Variants in ANKH observed in about 807,000 individuals in gnomAD.
The protein encoded by ANKH is ANKH inorganic pyrophosphate transport regulator.
A neutral mutation model predicts 49.0 loss-of-function variants in ANKH; 15 were observed. The observed-to-expected ratio is 0.31, with a 90% CI of 0.20 to 0.47. ANKH has a LOEUF of 0.47. Ranked by LOEUF, ANKH falls within the 20% of genes least tolerant of loss-of-function variation. The pLI, the probability that ANKH is intolerant of heterozygous loss-of-function variation, is 1.00. For synonymous variants in ANKH, 273 were observed against 260.0 expected, an observed-to-expected ratio of 1.05 and a Z score of -0.48; for missense variants, 429 against 652.0, an observed-to-expected ratio of 0.66 and a Z score of 3.72.
chr5:14,742,004 CTTTTG>C, intron 7 of ANKH, 82 bp from the exon 8 acceptor site: 2 of 1,080,206 alleles, frequency 1.9e-6, no homozygotes. Context: ...GAGCATCTTG[CTTTTG>C]TTTTATCTGA....
chr5:14,740,027 G>C (rs984469939), intron 8 of ANKH, among the ~76,000 whole-genome samples: 1 of 152,034 alleles, frequency 6.6e-6, no homozygotes, highest in African/African-American at 2.4e-5. Flanking sequence ...ATAAATTATT[G>C]CCTGTGAACT....
chr5:14,781,550 A>G (rs1434934029), intron 1 of ANKH, among the ~76,000 whole-genome samples: 3 of 152,166 alleles, frequency 2.0e-5, no homozygotes, highest in African/African-American at 4.8e-5. Flanking sequence ...AGAAAACAAA[A>G]AGCATTTTCC....
intron 1 of ANKH, among the ~76,000 whole-genome samples, chr5:14,804,321 G>A (rs951611967): frequency 2.6e-5 from 4 of 152,178 alleles, no homozygotes; most frequent in Non-Finnish European, 5.9e-5. Context: ...CTGCGCCTCC[G>A]TCTTCGGAGC....
chr5:14,821,246 GTAA>G (rs1741190305), intron 1 of ANKH, among the ~76,000 whole-genome samples: 1 of 152,100 alleles, frequency 6.6e-6, no homozygotes, highest in East Asian at 1.9e-4. Context: ...TCCCTTGAGG[GTAA>G]TAATCTAGCA....
Position 14,704,936 on chromosome 5 carries a change from ATC to A in ANKH, c.*6259_*6260del, listed in dbSNP as rs1736893227. 6.6e-6 allele frequency: 1 copy of A among 152,230 alleles called. No homozygotes were observed. The highest frequency in any genetic ancestry group is 1.5e-5 in the Non-Finnish European group (1 of 68,034). 9.4% of individuals were successfully genotyped at this position (152,230 alleles called of 1,614,324 possible). On this transcript the variant is annotated 3_prime_UTR_variant, in exon 12 of 12. Coordinates refer to ENST00000284268, the MANE Select transcript of ANKH (RefSeq NM_054027.6). ...TGCTCTTACCAATGCAAAAACTTCC[ATC>A]TGTTAGATACATAAAGAGCACTTCC...
chr5:14,750,794 G>A (rs745682360), intron 5 of ANKH, among the ~76,000 whole-genome samples: 17 of 152,178 alleles, frequency 1.1e-4, no homozygotes, highest in South Asian at 4.1e-4. Flanking sequence ...CATGAATGTC[G>A]TATCTATTCC....
chr5:14,857,991 T>A (rs1251969648), intron 1 of ANKH, among the ~76,000 whole-genome samples: 3 of 152,236 alleles, frequency 2.0e-5, no homozygotes, highest in Non-Finnish European at 4.4e-5. Context: ...TACAAAGATT[T>A]CTGTACAATA....
At chr5:14,830,888 A>G (rs1741485952) in intron 1 of ANKH, among the ~76,000 whole-genome samples, 1 of 152,164 alleles carries the variant, frequency 6.6e-6, no homozygotes, top group East Asian at 1.9e-4. Flanking sequence ...TGGCTTCAGG[A>G]CTGAGGGTCA....
chr5:14,756,049 CAA>C, intron 3 of ANKH, 105 bp from the exon 4 acceptor site: 1 of 968,532 alleles, frequency 1.0e-6, no homozygotes, highest in Non-Finnish European at 1.6e-6. Flanking sequence ...TATACCCCCT[CAA>C]AGCCTTAGCA....
chr5:14,748,292 T>G (rs1046622285), intron 6 of ANKH, among the ~76,000 whole-genome samples: 3 of 152,202 alleles, frequency 2.0e-5, no homozygotes, highest in Non-Finnish European at 2.9e-5. Flanking sequence ...TTTATGTGCT[T>G]CTTTTTCCAG....
intron 1 of ANKH, among the ~76,000 whole-genome samples, chr5:14,864,759 T>C (rs756251646): frequency 3.9e-5 from 6 of 152,280 alleles, no homozygotes; most frequent in Non-Finnish European, 8.8e-5. Context: ...AATTACAGCA[T>C]GCTCTCATAA....
At chr5:14,791,449 G>A (rs1344233672) in intron 1 of ANKH, among the ~76,000 whole-genome samples, 1 of 152,186 alleles carries the variant, frequency 6.6e-6, no homozygotes, top group Non-Finnish European at 1.5e-5. Context: ...TACCAAGTCT[G>A]TCTGCTGCCT....
At position 14,707,397 on chromosome 5, in the gene ANKH, G is replaced by T. The variant is rs2126377845; in HGVS notation, c.*3800C>A. On this transcript the variant is annotated 3_prime_UTR_variant, in exon 12 of 12. Transcript: ENST00000284268. ...CTCCCCCTGCCCCTTCCCTCCAGAA[G>T]ATCCCCAAATGGGGAACAAGTAAGA... The T allele has an allele frequency of 6.6e-6, 1 of 152,218 alleles. No homozygotes were observed. The highest frequency in any genetic ancestry group is 2.1e-4 in the South Asian group (1 of 4,826). 9.4% of individuals were successfully genotyped at this position (152,218 alleles called of 1,614,324 possible). A position where few individuals can be genotyped will look rare whatever the true frequency, so the allele number is the denominator to read the frequency against.
intron 1 of ANKH, among the ~76,000 whole-genome samples, chr5:14,781,744 T>C (rs749258275): frequency 7.2e-5 from 11 of 152,214 alleles, no homozygotes; most frequent in Middle Eastern, 3.2e-3. Context: ...AAAGTTGTAG[T>C]GTATTTAAAC....
At chr5:14,853,017 A>G (rs573537142) in intron 1 of ANKH, among the ~76,000 whole-genome samples, 12 of 152,182 alleles carry the variant, frequency 7.9e-5, no homozygotes, top group African/African-American at 2.9e-4. Context: ...CTCATCGGTG[A>G]GTTTTCAGAT....
intron 1 of ANKH, among the ~76,000 whole-genome samples, chr5:14,840,539 T>C (rs1454674614): frequency 6.6e-6 from 1 of 152,198 alleles, no homozygotes; most frequent in African/African-American, 2.4e-5. Flanking sequence ...ATCCAAAGTA[T>C]ATTGAGTTGT....
At chr5:14,750,794 G>C (rs745682360) in intron 5 of ANKH, among the ~76,000 whole-genome samples, 1 of 152,178 alleles carries the variant, frequency 6.6e-6, no homozygotes, top group East Asian at 1.9e-4. Context: ...CATGAATGTC[G>C]TATCTATTCC....
Position 14,741,914 on chromosome 5 carries a change from G to A in ANKH, c.924C>T (p.Pro308=). 1 of 1,614,056 alleles carries A rather than the reference G, an allele frequency of 6.2e-7. No homozygotes were observed. Among genetic ancestry groups the A allele is most frequent in the South Asian group, 1.1e-5 (1 of 91,066 alleles). Reference sequence around the variant, plus strand: ...TGCTCGTGCTCACCAGTTTGTTGCTGGGGTTATTCTGGGGAAAGAAAACCA... The same window carrying A: ...TGCTCGTGCTCACCAGTTTGTTGCTAGGGTTATTCTGGGGAAAGAAAACCA... ...AVYPAFDKNN[P]SNKLVSTSNT... The change falls in exon 8 of 12, where the codon CCC becomes CCT. Residue 308 remains proline, a synonymous_variant. Transcript: ENST00000284268.
At chr5:14,816,747 T>C (rs964909669) in intron 1 of ANKH, among the ~76,000 whole-genome samples, 3 of 152,090 alleles carry the variant, frequency 2.0e-5, no homozygotes, top group African/African-American at 4.8e-5. Context: ...CAAGAAAAGC[T>C]TCTCAAAAAT....
Sources: allele counts gnomAD v4.1 joint callset (sites outside exome capture counted in the v4.1 genomes callset), GRCh38; gene constraint gnomAD v4.1.1; transcripts MANE v1.5; gene names NCBI Gene and HGNC (gene_info 2026-07-23, HGNC 2026-07-21).